HOMER2: variants seen among roughly 807,000 people sequenced by gnomAD.
HOMER2 encodes the protein homer protein homolog 2.
HOMER2 carries 27 observed loss-of-function variants against 47.0 expected under a neutral mutation model. The observed-to-expected ratio is 0.57, with a 90% CI of 0.42 to 0.79. The LOEUF is 0.79. HOMER2 is among the 30% of genes least tolerant of loss of function. The probability of loss-of-function intolerance (pLI) is 0.00; values close to 1 mark genes in which losing one functional copy is unlikely to be tolerated. For synonymous variants in HOMER2, 161 were observed against 163.8 expected (o/e 0.98, Z 0.13); for missense variants, 443 against 435.0 (o/e 1.02, Z -0.16).
At chr15:82,953,433 G>C (rs1218425365), upstream of HOMER2, among the ~76,000 whole-genome samples, 2 of 152,128 alleles carry the variant, frequency 1.3e-5, no homozygotes, top group Non-Finnish European at 2.9e-5. Flanking sequence ...GGCTCTCTTC[G>C]TCGCCTTTCT....
chr15:82,863,303 C>T (rs1368355036), intron 4 of HOMER2, among the ~76,000 whole-genome samples: 1 of 152,192 alleles, frequency 6.6e-6, no homozygotes, highest in African/African-American at 2.4e-5. Flanking sequence ...AGCCAACCCT[C>T]TCAGGTGAAA....
intron 2 of HOMER2, among the ~76,000 whole-genome samples, chr15:82,881,080 C>T (rs2052506615): frequency 6.6e-6 from 1 of 152,192 alleles, no homozygotes; most frequent in South Asian, 2.1e-4. Flanking sequence ...TGCTAAAGCA[C>T]CCCAGGCATA....
At chr15:82,873,513 C>T (rs564826813) in intron 3 of HOMER2, among the ~76,000 whole-genome samples, 1 of 152,212 alleles carries the variant, frequency 6.6e-6, no homozygotes, top group East Asian at 1.9e-4. Context: ...GTGCTGCACT[C>T]GTGCCTGCTG....
At chr15:82,890,146 C>G (rs934264920) in intron 2 of HOMER2, among the ~76,000 whole-genome samples, 7 of 152,128 alleles carry the variant, frequency 4.6e-5, no homozygotes, top group African/African-American at 1.7e-4. Flanking sequence ...AGTTTGAGAC[C>G]AGCCTGCCCA....
In HOMER2 at chr15:82,952,507, AGCGCGCGGC is replaced by A; in HGVS notation, c.5+15_5+23del. ...AGTCCCTCCGGAGGGGCGCGCGGAG[AGCGCGCGGC>A]GCGGGCTCACTCACCCCATCTCCGG... On this transcript the variant is annotated intron_variant, in intron 1 of 8. Transcript: ENST00000450735. The A allele has an allele frequency of 3.4e-6, 4 of 1,186,414 alleles. No individual in the cohort carries two copies. The highest frequency in any genetic ancestry group is 4.2e-6 in the Non-Finnish European group (4 of 957,098). 73.5% of individuals were successfully genotyped at this position (1,186,414 alleles called of 1,614,324 possible). A position where few individuals can be genotyped will look rare whatever the true frequency, so the allele number is the denominator to read the frequency against.
At chr15:82,894,126 C>T (rs990600455) in intron 1 of HOMER2, among the ~76,000 whole-genome samples, 10 of 152,296 alleles carry the variant, frequency 6.6e-5, no homozygotes, top group African/African-American at 1.2e-4. Flanking sequence ...TTTTTCACTC[C>T]ACATGCCTAA....
At chr15:82,937,685 A>ACT (rs1303527102) in intron 1 of HOMER2, among the ~76,000 whole-genome samples, 2 of 152,108 alleles carry the variant, frequency 1.3e-5, no homozygotes, top group Non-Finnish European at 2.9e-5. Context: ...ATGACTGGCA[A>ACT]CTCAGAGAAG....
Position 82,892,694 on chromosome 15 carries a change from G to C in HOMER2, c.153C>G (p.Asp51Glu), listed in dbSNP as rs761530407. 1.3e-6 allele frequency: 2 copies of C among 1,571,130 alleles called. No homozygotes were observed. The highest frequency in any genetic ancestry group is 8.7e-7 in the Non-Finnish European group (1 of 1,149,526). ...TRNSYRIISV[D>E]GAKVIINSTI... ...GCTGAGGGGGTGGTACCTTGGCTCC[G>C]TCCACACTGATGATCCGATAGCTGT... The change falls in exon 2 of 9, where the codon GAC becomes GAG. Residue 51 changes from aspartate (D) to glutamate (E), a missense_variant. Coordinates refer to ENST00000450735, the MANE Select transcript of HOMER2 (RefSeq NM_004839.4).
intron 1 of HOMER2, among the ~76,000 whole-genome samples, chr15:82,897,120 G>A (rs1375132515): frequency 7.1e-6 from 1 of 140,442 alleles, no homozygotes; most frequent in African/African-American, 2.6e-5. Flanking sequence ...AAGCTGGAGT[G>A]TAGTGGCATG....
chr15:82,835,857 C>A (rs1332209341), downstream of HOMER2: 2 of 152,272 alleles, frequency 1.3e-5, no homozygotes, highest in African/African-American at 4.8e-5. Flanking sequence ...CATCAAACTT[C>A]CTAGGGAAAG....
At chr15:82,920,864 T>A (rs967931978) in intron 1 of HOMER2, among the ~76,000 whole-genome samples, 1 of 151,522 alleles carries the variant, frequency 6.6e-6, no homozygotes, top group Non-Finnish European at 1.5e-5. Context: ...TTTTTTTTTT[T>A]AAGACACAAA....
At chr15:82,848,085 A>G (rs1224551341), downstream of HOMER2, among the ~76,000 whole-genome samples, 2 of 152,078 alleles carry the variant, frequency 1.3e-5, no homozygotes, top group Non-Finnish European at 2.9e-5. Context: ...GGTGCTCCAG[A>G]TGCCCAGCCT....
chr15:82,836,791 TGAG>T (rs779999754), downstream of HOMER2, among the ~76,000 whole-genome samples: 4 of 152,216 alleles, frequency 2.6e-5, no homozygotes, highest in Non-Finnish European at 5.9e-5. Flanking sequence ...GCAGCCAGAA[TGAG>T]GAGGTTATTG....
intron 1 of HOMER2, among the ~76,000 whole-genome samples, chr15:82,895,192 C>T (rs1208308916): frequency 1.3e-5 from 2 of 152,198 alleles, no homozygotes; most frequent in Non-Finnish European, 2.9e-5. Context: ...CTTCTAGGTC[C>T]CCTGGAGCAG....
At position 82,952,693 on chromosome 15, in the gene HOMER2, T is replaced by G. The variant is rs1254805590; in HGVS notation, c.-158A>C. 1 of 986,820 alleles carries G rather than the reference T, an allele frequency of 1.0e-6. No homozygotes were observed. The allele number at this position is 986,820 out of a possible 1,614,324, so 61.1% of individuals were successfully genotyped here. On this transcript the variant is annotated 5_prime_UTR_variant, in exon 1 of 9. Transcript: ENST00000450735. ...CGCGGGGCTGCGCGGCTGCCACTGC[T>G]GCCACTGCCGCCACCGCCGCCAGGC...
In HOMER2 at chr15:82,849,808, C is replaced by T. The variant is rs34273427; in HGVS notation, c.939G>A (p.Val313=). 3.7e-6 allele frequency: 6 copies of T among 1,614,018 alleles called. No individual in the cohort carries two copies. The highest frequency in any genetic ancestry group is 5.1e-6 in the Non-Finnish European group (6 of 1,179,882). The change falls in exon 9 of 9, where the codon GTG becomes GTA. Residue 313 remains valine, a synonymous_variant. Transcript: ENST00000450735. The part of the protein sequence containing the change: ...ESKYRQRHLK[V]ELKSFLEVLD... Reference sequence around the variant, plus strand: ...GCACCTCCAGGAAGCTCTTCAACTCCACCTTCAGGTGGCGCTGTCGGTATT... The same window carrying T: ...GCACCTCCAGGAAGCTCTTCAACTCTACCTTCAGGTGGCGCTGTCGGTATT...
chr15:82,893,761 A>G (rs2052807274), intron 1 of HOMER2, among the ~76,000 whole-genome samples: 2 of 151,852 alleles, frequency 1.3e-5, no homozygotes, highest in South Asian at 4.2e-4. Context: ...AGCTAGGACT[A>G]CAGGCACGTG....
At chr15:82,842,335 GAC>G (rs2051184537) in exon 2 of HOMER2, 1 of 150,850 alleles carries the variant, frequency 6.6e-6, no homozygotes, top group African/African-American at 2.4e-5. Context: ...GTTTTTTTGA[GAC>G]AGAGTCTCGC....
intron 1 of HOMER2, among the ~76,000 whole-genome samples, chr15:82,961,326 C>T (rs1431228086): frequency 6.6e-6 from 1 of 152,228 alleles, no homozygotes; most frequent in Non-Finnish European, 1.5e-5. Flanking sequence ...AAACACTTCC[C>T]GTGCGCAGGT....
Sources: allele counts gnomAD v4.1 joint callset (sites outside exome capture counted in the v4.1 genomes callset), GRCh38; gene constraint gnomAD v4.1.1; transcripts MANE v1.5; gene names NCBI Gene and HGNC (gene_info 2026-07-23, HGNC 2026-07-21).